The following PHACTR2 variants were observed in gnomAD, a reference collection of about 807,000 sequenced individuals.
PHACTR2 encodes phosphatase and actin regulator 2.
Under a neutral mutation model 76.0 loss-of-function variants are expected in PHACTR2, and 30 were observed. That is an observed-to-expected ratio of 0.39 (90% confidence interval 0.30 to 0.54). The LOEUF is 0.54. Ranked by LOEUF, PHACTR2 falls within the 20% of genes least tolerant of loss-of-function variation. PHACTR2 has a pLI of 0.61. For missense variants in PHACTR2, 696 were observed against 781.1 expected (o/e 0.89, Z 1.30); for synonymous variants, 292 against 292.5 (o/e 1.00, Z 0.02).
intron 1 of PHACTR2, among the ~76,000 whole-genome samples, chr6:143,634,992 G>GTATC (rs1402573708): frequency 6.6e-6 from 1 of 151,968 alleles, no homozygotes; most frequent in Non-Finnish European, 1.5e-5. Flanking sequence ...CACAGAACAT[G>GTATC]TATCTACTCT....
intron 1 of PHACTR2, among the ~76,000 whole-genome samples, chr6:143,643,207 T>A (rs2128444508): frequency 6.6e-6 from 1 of 152,270 alleles, no homozygotes; most frequent in Admixed American, 6.5e-5. Flanking sequence ...TTGCAAAAAA[T>A]ATTTCATAAA....
In PHACTR2 at chr6:143,816,837, G is replaced by A. The variant is rs551474379; in HGVS notation, c.1923-6837G>A. On this transcript the variant is annotated intron_variant, in intron 12 of 12. Transcript: ENST00000440869. The surrounding 1 kb of genome is among the most constrained non-coding windows in gnomAD (Gnocchi z 4.5). ...TCCCAGCACTTTGGGAGGCTGAGGC[G>A]GGAGGATCGCTTGAGGCCAGGAGTT... Among the ~76,000 whole-genome samples the A allele has an allele frequency of 2.6e-3, 403 of 152,164 alleles. 5 individuals are homozygous for A. Among genetic ancestry groups the A allele is most frequent in the African/African-American group, 9.0e-3 (373 of 41,500 alleles).
At chr6:143,628,948 T>TAGATAG (rs1215713122) in intron 1 of PHACTR2, among the ~76,000 whole-genome samples, 4 of 50,628 alleles carry the variant, frequency 7.9e-5, no homozygotes, top group Non-Finnish European at 2.0e-4. Context: ...TATATATATA[T>TAGATAG]ATATATATAT....
rs540907615 is a variant in PHACTR2, at chr6:143,670,763, T to C, written c.14-41253T>C. On this transcript the variant is annotated intron_variant, in intron 1 of 11. Coordinates refer to the PHACTR2 transcript ENST00000305766. ...TTCCTCTAACCTTTTTTCCAGGTTC[T>C]TAGCTTCCTTGCATTGGGTTAGAAC... is the stretch of plus-strand genomic sequence containing the variant. 1.8e-4 allele frequency among the ~76,000 whole-genome samples: 27 copies of C among 152,320 alleles called. No individual in the cohort carries two copies. The South Asian group carries it at 5.6e-3, about 32-fold the overall frequency.
At position 143,556,344 on chromosome 6, in the gene PHACTR2, C is replaced by T. The variant is rs558358714; in HGVS notation, c.217+19137C>T. ...CTGCGTGCCAGGCACAAGGCGTGGG[C>T]CAGGAGAGTGAATATCTGGTGGAGG... is the stretch of plus-strand genomic sequence containing the variant. On this transcript the variant is annotated intron_variant, in intron 1 of 11. Transcript: ENST00000367584. The surrounding 1 kb of genome is among the most constrained non-coding windows in gnomAD (Gnocchi z 4.3). 6.6e-6 allele frequency among the ~76,000 whole-genome samples: 1 copy of T among 152,106 alleles called. No homozygotes were observed. The highest frequency in any genetic ancestry group is 2.4e-5 in the African/African-American group (1 of 41,404).
chr6:143,827,188 A>ATATATATATATATATG lies in PHACTR2; in HGVS notation c.*3510_*3511insATATGTATATATATAT, dbSNP rs1776561529. ...TATATATATATATATATATATATAT[A>ATATATATATATATATG]TATATATATATGTATATTATATATA... On this transcript the variant is annotated 3_prime_UTR_variant, in exon 13 of 13. Coordinates refer to ENST00000440869, the MANE Select transcript of PHACTR2 (RefSeq NM_001100164.2). 2 of 130,186 alleles carry ATATATATATATATATG rather than the reference A, an allele frequency of 1.5e-5. No homozygotes were observed. Among genetic ancestry groups the ATATATATATATATATG allele is most frequent in the Non-Finnish European group, 3.3e-5 (2 of 60,034 alleles). 8.1% of individuals were successfully genotyped at this position (130,186 alleles called of 1,614,324 possible).
intron 2 of PHACTR2, among the ~76,000 whole-genome samples, chr6:143,746,094 C>A (rs757425196): frequency 6.6e-6 from 1 of 152,168 alleles, no homozygotes; most frequent in Non-Finnish European, 1.5e-5. Context: ...TTTTTTAGTG[C>A]AAGAACGAAC....
intron 2 of PHACTR2, among the ~76,000 whole-genome samples, chr6:143,718,821 C>T (rs1778362517): frequency 6.6e-6 from 1 of 150,846 alleles, no homozygotes; most frequent in African/African-American, 2.4e-5. Context: ...TAATAAATGA[C>T]AGCATTTTGA....
rs1460463314 is a variant in PHACTR2 at position 143,672,638 on chromosome 6, C to A, written c.14-39378C>A. On this transcript the variant is annotated intron_variant, in intron 1 of 11. Transcript: ENST00000305766. This position sits in a 1 kb window ranked among gnomAD's most constrained non-coding sequence, Gnocchi z 5.8. ...GCAAAAATGTGGATTTAGTAATTTG[C>A]TAAAGTTCAGAGCCTTCTCTGTACT... Among the ~76,000 whole-genome samples the A allele has an allele frequency of 6.6e-6, 1 of 152,162 alleles. No individual in the cohort carries two copies. The highest frequency in any genetic ancestry group is 2.4e-5 in the African/African-American group (1 of 41,426).
Position 143,753,318 on chromosome 6 carries a change from G to A in PHACTR2, c.296-436G>A, listed in dbSNP as rs1779226706. Reference sequence around the variant, plus strand: ...ATATTCTCCCACTTATTGTTTGTATGTGTAATTACATTTCATGTTATTTGT... The same window carrying A: ...ATATTCTCCCACTTATTGTTTGTATATGTAATTACATTTCATGTTATTTGT... On this transcript the variant is annotated intron_variant, in intron 3 of 12. Coordinates refer to ENST00000440869, the MANE Select transcript of PHACTR2 (RefSeq NM_001100164.2). This position sits in a 1 kb window ranked among gnomAD's most constrained non-coding sequence, Gnocchi z 4.6. 6.6e-6 allele frequency among the ~76,000 whole-genome samples: 1 copy of A among 152,102 alleles called. No homozygotes were observed. The highest frequency in any genetic ancestry group is 6.5e-5 in the Admixed American group (1 of 15,272).
chr6:143,662,311 CT>C lies in PHACTR2; in HGVS notation c.14-49698del, dbSNP rs1216309787. Among the ~76,000 whole-genome samples, 10 of 152,212 alleles carry C rather than the reference CT, an allele frequency of 6.6e-5. No individual in the cohort carries two copies. The highest frequency in any genetic ancestry group is 2.0e-4 in the Admixed American group (3 of 15,282). ...TGTGTTTTAGGAAATAACTTTATAG[CT>C]TTTTTTCCCCTATTTTAAAATACAA... On this transcript the variant is annotated intron_variant, in intron 1 of 11. Coordinates refer to the PHACTR2 transcript ENST00000305766. The surrounding 1 kb of genome is among the most constrained non-coding windows in gnomAD (Gnocchi z 4.7).
At chr6:143,768,228 A>G (rs933637679) in intron 6 of PHACTR2, among the ~76,000 whole-genome samples, 2 of 152,238 alleles carry the variant, frequency 1.3e-5, no homozygotes, top group Non-Finnish European at 2.9e-5. Context: ...GTCTTCATTT[A>G]ACTATAGTGA....
chr6:143,610,794 G>C lies in PHACTR2; in HGVS notation c.13+2472G>C, dbSNP rs966112720. 2.6e-5 allele frequency among the ~76,000 whole-genome samples: 4 copies of C among 152,036 alleles called. No homozygotes were observed. Among genetic ancestry groups the C allele is most frequent in the African/African-American group, 9.7e-5 (4 of 41,370 alleles). On this transcript the variant is annotated intron_variant, in intron 1 of 11. Coordinates refer to the PHACTR2 transcript ENST00000305766. The surrounding 1 kb of genome is among the most constrained non-coding windows in gnomAD (Gnocchi z 4.9). ...AGACATCCCTTCCCCATAATTGCTG[G>C]CTTCTGTATTCCTTTAAAAGCTTTT...
At chr6:143,673,748 AG>A (rs771954270), upstream of PHACTR2, among the ~76,000 whole-genome samples, 36 of 152,006 alleles carry the variant, frequency 2.4e-4, no homozygotes, top group Non-Finnish European at 4.0e-4. Flanking sequence ...TTTATTTTCC[AG>A]CATAAATCTT....
At chr6:143,540,327 AGAGTTGT>A (rs1781160881) in intron 1 of PHACTR2, among the ~76,000 whole-genome samples, 3 of 152,092 alleles carry the variant, frequency 2.0e-5, no homozygotes, top group African/African-American at 7.2e-5. Context: ...GTGCTTGCCA[AGAGTTGT>A]CAGAGAACAG....
intron 1 of PHACTR2, among the ~76,000 whole-genome samples, chr6:143,576,443 A>C (rs956471172): frequency 3.3e-5 from 5 of 152,244 alleles, no homozygotes; most frequent in African/African-American, 1.2e-4. Context: ...CAGATTTTAC[A>C]TTTATTTACT....
chr6:143,681,778 G>T (rs1269782761), intron 1 of PHACTR2, among the ~76,000 whole-genome samples: 1 of 152,182 alleles, frequency 6.6e-6, no homozygotes, highest in Non-Finnish European at 1.5e-5. Flanking sequence ...GTCATGTAGG[G>T]TTTCATTCTT....
In PHACTR2 at chr6:143,751,044, G is replaced by T. The variant is rs1779172345; in HGVS notation, c.295+1979G>T. ...GTGATTTTCCCAAAAGCAATTATCT[G>T]GAGAATTTCAGTCTGAGAGACTAGA... On this transcript the variant is annotated intron_variant, in intron 3 of 12. Transcript: ENST00000440869. This position sits in a 1 kb window ranked among gnomAD's most constrained non-coding sequence, Gnocchi z 5.7. Among the ~76,000 whole-genome samples the T allele has an allele frequency of 6.6e-6, 1 of 152,150 alleles. No homozygotes were observed. Among genetic ancestry groups the T allele is most frequent in the Non-Finnish European group, 1.5e-5 (1 of 68,032 alleles).
In PHACTR2 at chr6:143,557,954, C is replaced by A. The variant is rs1775203981; in HGVS notation, c.217+20747C>A. On this transcript the variant is annotated intron_variant, in intron 1 of 11. Transcript: ENST00000367584. This position sits in a 1 kb window ranked among gnomAD's most constrained non-coding sequence, Gnocchi z 5.5. ...TTTTCTCATTCCTGCCTCAGCAATA[C>A]CCTTGAAGGATGGATGGGATCCTTC... 2 of 152,130 alleles carry A rather than the reference C, an allele frequency of 1.3e-5. No homozygotes were observed. The highest frequency in any genetic ancestry group is 2.9e-5 in the Non-Finnish European group (2 of 68,056). The allele number at this position is 152,130 out of a possible 1,614,324, so 9.4% of individuals were successfully genotyped here.
Sources: gnomAD v4.1 joint callset for allele counts (sites outside exome capture counted in the v4.1 genomes callset) on GRCh38, gnomAD v4.1.1 for gene constraint, Gnocchi (gnomAD v3.1) non-coding constraint, MANE v1.5 for transcripts, NCBI Gene and HGNC (gene_info 2026-07-23, HGNC 2026-07-21) for gene names.